PTPRD: variants seen among roughly 807,000 people sequenced by gnomAD.
PTPRD encodes receptor-type tyrosine-protein phosphatase delta.
Under a neutral mutation model 214.5 loss-of-function variants are expected in PTPRD, and 34 were observed. The ratio of observed to expected loss-of-function variants is 0.16; its 90% CI spans 0.12 to 0.21. The LOEUF (loss-of-function observed/expected upper bound fraction) is 0.21, where lower values mean the gene tolerates loss of function less well. Ranked by LOEUF, PTPRD falls within the 10% of genes least tolerant of loss-of-function variation. The pLI, the probability that PTPRD is intolerant of heterozygous loss-of-function variation, is 1.00. For missense variants in PTPRD, 2,545 were observed against 2,398.7 expected (o/e 1.06, Z -1.27); for synonymous variants, 1,128 against 845.7 (o/e 1.33, Z -5.79).
rs2130462667 is a variant in PTPRD, at chr9:8,317,933, G to C, written c.5680C>G (p.Gln1894Glu). The C allele has an allele frequency of 1.2e-6, 2 of 1,611,784 alleles. No individual in the cohort carries two copies. The highest frequency in any genetic ancestry group is 4.5e-5 in the East Asian group (2 of 44,816). The change falls in exon 46 of 46, where the codon CAG (glutamine) becomes GAG (glutamate). Residue 1894 changes from glutamine to glutamate, a missense_variant. Physicochemically the swap from Gln to Glu is conservative, Grantham distance 29. Coordinates refer to ENST00000381196, the MANE Select transcript of PTPRD (RefSeq NM_002839.4). ...TCTAGTGCGGCACGATAGGAAAACT[G>C]ATATTGATCCTGCAGGAGACAATGA... is the stretch of plus-strand genomic sequence containing the variant. Reference protein sequence around the residue: ...PAMVQTEDQYQFSYRAALEYL... With the variant: ...PAMVQTEDQYEFSYRAALEYL...
chr9:8,645,431 C>G (rs915505506), intron 12 of PTPRD, among the ~76,000 whole-genome samples: 3 of 152,208 alleles, frequency 2.0e-5, no homozygotes, highest in African/African-American at 7.2e-5. Flanking sequence ...GTTCTTGACA[C>G]TGATTAACTC....
At chr9:9,668,603 A>G (rs2096768350) in intron 7 of PTPRD, among the ~76,000 whole-genome samples, 2 of 152,166 alleles carry the variant, frequency 1.3e-5, no homozygotes, top group South Asian at 4.1e-4. Flanking sequence ...TTGTTCATTC[A>G]GCATAAAGAG....
chr9:10,516,915 C>A (rs889884285), intron 2 of PTPRD, among the ~76,000 whole-genome samples: 1 of 151,830 alleles, frequency 6.6e-6, no homozygotes, highest in African/African-American at 2.4e-5. Context: ...ATTTGCTATT[C>A]TATTTCATTG....
At position 8,507,348 on chromosome 9, in the gene PTPRD, T is replaced by C. The variant is rs200427689; in HGVS notation, c.1630A>G (p.Ile544Val). Reference protein sequence around the residue: ...LSWTPPRSDTIANYELVYKDG... With the variant: ...LSWTPPRSDTVANYELVYKDG... ...TTGTAGACCAGTTCATAGTTGGCAA[T>C]GGTATCTGAACGTGGAGGTGTCCAA... The change falls in exon 22 of 46, where the codon ATT (isoleucine) becomes GTT (valine). Residue 544 changes from isoleucine to valine, a missense_variant. By Grantham distance (29) the Ile-to-Val change is conservative. Transcript: ENST00000381196. 8.9e-5 allele frequency: 143 copies of C among 1,613,872 alleles called. No homozygotes were observed. Among genetic ancestry groups the C allele is most frequent in the Non-Finnish European group, 1.1e-4 (132 of 1,179,882 alleles).
chr9:10,222,566 C>T (rs1161649255), intron 3 of PTPRD, among the ~76,000 whole-genome samples: 1 of 151,992 alleles, frequency 6.6e-6, no homozygotes, highest in Non-Finnish European at 1.5e-5. Flanking sequence ...ATATATTTTT[C>T]CTACTCACTA....
intron 2 of PTPRD, among the ~76,000 whole-genome samples, chr9:10,432,841 C>A (rs1353785304): frequency 1.3e-5 from 2 of 151,924 alleles, no homozygotes; most frequent in African/African-American, 4.8e-5. Context: ...TCCTATTTCC[C>A]GAGGATGACA....
At chr9:9,830,309 TA>T (rs1477152188) in intron 5 of PTPRD, among the ~76,000 whole-genome samples, 3 of 151,854 alleles carry the variant, frequency 2.0e-5, no homozygotes, top group African/African-American at 7.2e-5. Context: ...TCCCATTTTT[TA>T]TTTGCCTTTT....
At chr9:9,166,375 A>T (rs2099903983) in intron 10 of PTPRD, among the ~76,000 whole-genome samples, 1 of 152,096 alleles carries the variant, frequency 6.6e-6, no homozygotes, top group Non-Finnish European at 1.5e-5. Flanking sequence ...CACTCCATCC[A>T]CAGAGAGCTC....
chr9:9,760,143 G>C (rs1337065094), intron 6 of PTPRD, among the ~76,000 whole-genome samples: 1 of 152,096 alleles, frequency 6.6e-6, no homozygotes, highest in East Asian at 1.9e-4. Context: ...ATTTCTGTGT[G>C]TAATCTGAGT....
intron 4 of PTPRD, among the ~76,000 whole-genome samples, chr9:9,958,539 A>G (rs1029576771): frequency 1.3e-5 from 2 of 152,200 alleles, no homozygotes; most frequent in African/African-American, 4.8e-5. Context: ...CTCAAAAACA[A>G]CAACAACAGC....
At chr9:9,803,450 G>C (rs1250117586) in intron 5 of PTPRD, among the ~76,000 whole-genome samples, 4 of 151,774 alleles carry the variant, frequency 2.6e-5, no homozygotes, top group Admixed American at 1.3e-4. Context: ...AAATTAATGG[G>C]ATATCACCTC....
intron 7 of PTPRD, among the ~76,000 whole-genome samples, chr9:9,622,799 G>C (rs760183110): frequency 6.6e-6 from 1 of 152,178 alleles, no homozygotes; most frequent in Non-Finnish European, 1.5e-5. Flanking sequence ...CACTGCTCAG[G>C]AATCTCACAA....
chr9:9,262,881 G>C (rs1229931718), intron 9 of PTPRD, among the ~76,000 whole-genome samples: 4 of 151,464 alleles, frequency 2.6e-5, no homozygotes, highest in African/African-American at 9.7e-5. Flanking sequence ...ATGTTGTGTT[G>C]ACTCTGCTTT....
intron 23 of PTPRD, among the ~76,000 whole-genome samples, chr9:8,503,315 AC>A (rs1179773019): frequency 6.6e-6 from 1 of 152,158 alleles, no homozygotes; most frequent in South Asian, 2.1e-4. Flanking sequence ...CATCTTCTTG[AC>A]AAAATTCAAT....
chr9:10,025,195 G>A (rs1019734363), intron 4 of PTPRD, among the ~76,000 whole-genome samples: 3 of 152,086 alleles, frequency 2.0e-5, no homozygotes, highest in Non-Finnish European at 2.9e-5. Context: ...AGATCCCTGA[G>A]GAATCGCCAC....
intron 45 of PTPRD, 89 bp from the exon 46 acceptor site, chr9:8,318,031 A>G (rs1049625056): frequency 3.7e-5 from 47 of 1,270,674 alleles, no homozygotes; most frequent in Middle Eastern, 4.1e-4. Context: ...GCATAACAAA[A>G]TAACATCTAT....
intron 7 of PTPRD, among the ~76,000 whole-genome samples, chr9:9,581,473 C>T (rs967364816): frequency 6.6e-6 from 1 of 152,066 alleles, no homozygotes; most frequent in Non-Finnish European, 1.5e-5. Context: ...GACTGTGAAG[C>T]TTATCATCTC....
intron 12 of PTPRD, 110 bp downstream of exon 12, chr9:8,733,670 A>G (rs2098685956): frequency 8.7e-7 from 1 of 1,148,948 alleles, no homozygotes; most frequent in Non-Finnish European, 1.3e-6. Flanking sequence ...GCAGTGTCTC[A>G]GGATTTACTT....
intron 6 of PTPRD, among the ~76,000 whole-genome samples, chr9:9,766,386 A>T (rs2098707244): frequency 6.6e-6 from 1 of 152,102 alleles, no homozygotes. Context: ...ATTGGTTTTA[A>T]TTCTAAATGT....
Sources: gnomAD v4.1 joint callset for allele counts (sites outside exome capture counted in the v4.1 genomes callset) on GRCh38, gnomAD v4.1.1 for gene constraint, MANE v1.5 for transcripts, NCBI Gene and HGNC (gene_info 2026-07-23, HGNC 2026-07-21) for gene names.